Variants in PTPN13 observed in about 807,000 individuals in gnomAD.
The protein encoded by PTPN13 is protein tyrosine phosphatase non-receptor type 13, also known as tyrosine-protein phosphatase non-receptor type 13.
PTPN13 carries 191 observed loss-of-function variants against 284.0 expected under a neutral mutation model. The ratio of observed to expected loss-of-function variants is 0.67; its 90% CI spans 0.60 to 0.76. PTPN13 has a LOEUF of 0.76. Ranked by LOEUF, PTPN13 falls within the 30% of genes least tolerant of loss-of-function variation. PTPN13 has a pLI of 0.00. For missense variants in PTPN13, 2,797 were observed against 2,939.9 expected (o/e 0.95, Z 1.12); for synonymous variants, 986 against 1,022.3 (o/e 0.96, Z 0.68).
intron 7 of PTPN13, among the ~76,000 whole-genome samples, chr4:86,709,431 T>C (rs900032854): frequency 6.6e-6 from 1 of 152,158 alleles, no homozygotes; most frequent in African/African-American, 2.4e-5. Flanking sequence ...ACTCAGTAAG[T>C]GTTTGTTAAT....
intron 2 of PTPN13, among the ~76,000 whole-genome samples, chr4:86,640,772 C>T (rs752387942): frequency 6.6e-6 from 1 of 152,112 alleles, no homozygotes; most frequent in East Asian, 1.9e-4. Context: ...AAGGTGTTGT[C>T]ACTGAGAGGC....
At chr4:86,748,812 C>T (rs983512383) in intron 17 of PTPN13, among the ~76,000 whole-genome samples, 18 of 151,974 alleles carry the variant, frequency 1.2e-4, no homozygotes, top group Admixed American at 4.6e-4. Context: ...CCTGCCACCA[C>T]GCCCAGCTAA....
chr4:86,783,294 G>A (rs1372822228), intron 37 of PTPN13, among the ~76,000 whole-genome samples: 18 of 152,148 alleles, frequency 1.2e-4, no homozygotes, highest in Non-Finnish European at 1.5e-5. Context: ...TTGAAATTGA[G>A]CTACAGCAAC....
chr4:86,658,181 A>G (rs1266246880), intron 2 of PTPN13, among the ~76,000 whole-genome samples: 1 of 152,172 alleles, frequency 6.6e-6, no homozygotes, highest in Non-Finnish European at 1.5e-5. Flanking sequence ...TGCTCCCTCC[A>G]TAGGCATTGA....
intron 6 of PTPN13, among the ~76,000 whole-genome samples, chr4:86,697,978 A>G (rs1338818059): frequency 6.6e-6 from 1 of 152,208 alleles, no homozygotes; most frequent in Non-Finnish European, 1.5e-5. Context: ...CCCAAGGAAT[A>G]CAAATATGAA....
intron 2 of PTPN13, chr4:86,661,067 G>C (rs1224798427): frequency 2.2e-6 from 1 of 449,028 alleles, no homozygotes; most frequent in Non-Finnish European, 4.5e-6. Context: ...TTAATTTTAT[G>C]AATGTATGCA....
At chr4:86,626,560 A>G (rs1009302396) in intron 1 of PTPN13, among the ~76,000 whole-genome samples, 1 of 152,044 alleles carries the variant, frequency 6.6e-6, no homozygotes, top group Admixed American at 6.6e-5. Flanking sequence ...ATATTAATGT[A>G]TTTTGTATTA....
intron 2 of PTPN13, among the ~76,000 whole-genome samples, chr4:86,669,764 G>A (rs1727529479): frequency 6.6e-6 from 1 of 152,098 alleles, no homozygotes. Context: ...ATAGCATTTA[G>A]GCTTCTAGGT....
intron 40 of PTPN13, 67 bp downstream of exon 40, chr4:86,786,003 G>A (rs1410460399): frequency 9.7e-6 from 8 of 825,248 alleles, no homozygotes; most frequent in Non-Finnish European, 1.4e-5. Context: ...AACCCAGAAG[G>A]TGAAATAATC....
intron 20 of PTPN13, 75 bp downstream of exon 20, chr4:86,753,140 A>C: frequency 8.6e-7 from 1 of 1,165,544 alleles, no homozygotes; most frequent in Admixed American, 2.1e-5. Context: ...GGACCTAACA[A>C]TGAAGAGTCT....
At chr4:86,680,375 A>G (rs1189320313) in intron 3 of PTPN13, among the ~76,000 whole-genome samples, 1 of 151,108 alleles carries the variant, frequency 6.6e-6, no homozygotes, top group Non-Finnish European at 1.5e-5. Flanking sequence ...CTATCTATCT[A>G]TCTATCTATC....
chr4:86,795,817 C>T (rs1270405421), intron 40 of PTPN13, among the ~76,000 whole-genome samples: 2 of 152,134 alleles, frequency 1.3e-5, no homozygotes, highest in Non-Finnish European at 2.9e-5. Context: ...CATGTTCTCA[C>T]TCATAGGTGG....
chr4:86,643,768 C>G (rs1310811279), intron 2 of PTPN13, among the ~76,000 whole-genome samples: 1 of 151,958 alleles, frequency 6.6e-6, no homozygotes, highest in South Asian at 2.1e-4. Context: ...AGGAAACAGC[C>G]CAGTTTAAAT....
chr4:86,735,550 A>G, intron 14 of PTPN13, 44 bp from the exon 15 acceptor site: 1 of 1,593,240 alleles, frequency 6.3e-7, no homozygotes, highest in Non-Finnish European at 8.5e-7. Context: ...GGTTTACTCC[A>G]ATAAAAGGCA....
At chr4:86,616,441 T>G (rs1347039112) in intron 1 of PTPN13, among the ~76,000 whole-genome samples, 1 of 150,894 alleles carries the variant, frequency 6.6e-6, no homozygotes, top group Non-Finnish European at 1.5e-5. Flanking sequence ...CAGACAGGAG[T>G]TGATATAGTT....
At chr4:86,777,877 G>T (rs1300347289) in intron 35 of PTPN13, among the ~76,000 whole-genome samples, 1 of 152,158 alleles carries the variant, frequency 6.6e-6, no homozygotes. Context: ...TGTTAATTAG[G>T]AGGGGAGGGA....
In PTPN13 at chr4:86,760,078, T is replaced by C. The variant is rs567252185; in HGVS notation, c.3553+1005T>C. Among the ~76,000 whole-genome samples, 26 of 152,320 alleles carry C rather than the reference T, an allele frequency of 1.7e-4. No homozygotes were observed. In the South Asian group the frequency reaches 5.4e-3, roughly 32 times the overall value. On this transcript the variant is annotated intron_variant, in intron 23 of 47. Transcript: ENST00000411767. ...TGATAAAATCTTATTAAATTTTATA[T>C]AGATGAGTCATTTTGAGTATGATTT...
Position 86,774,526 on chromosome 4 carries a change from A to T in PTPN13, c.5503A>T (p.Ile1835Leu), listed in dbSNP as rs771143167. The T allele has an allele frequency of 6.3e-7, 1 of 1,596,186 alleles. No homozygotes were observed. The highest frequency in any genetic ancestry group is 1.7e-5 in the Admixed American group (1 of 57,442). The change falls in exon 33 of 48, where the codon ATA (isoleucine) becomes TTA (leucine). Residue 1835 changes from isoleucine to leucine, a missense_variant. By Grantham distance (5) the Ile-to-Leu change is conservative. Coordinates refer to ENST00000411767, the MANE Select transcript of PTPN13 (RefSeq NM_080683.3). The stretch of plus-strand genomic sequence containing the variant: ...AAGGCTAAAACCTGGGGACCGGCTC[A>T]TAAAGGTGAGACATTTAAGAGGAAT... ...DGRLKPGDRL[I>L]KVNDTDVTNM...
chr4:86,638,701 C>T (rs1346282101), intron 2 of PTPN13, among the ~76,000 whole-genome samples: 3 of 152,162 alleles, frequency 2.0e-5, no homozygotes, highest in Non-Finnish European at 4.4e-5. Context: ...AAGATTTAAA[C>T]GTTAGACCTA....
Sources: allele counts gnomAD v4.1 joint callset (sites outside exome capture counted in the v4.1 genomes callset), GRCh38; gene constraint gnomAD v4.1.1; transcripts MANE v1.5; gene names NCBI Gene and HGNC (gene_info 2026-07-23, HGNC 2026-07-21).